The following PDE4D variants were observed in gnomAD, a reference collection of about 807,000 sequenced individuals.
The protein encoded by PDE4D is 3',5'-cyclic-AMP phosphodiesterase 4D.
In PDE4D, 24 loss-of-function variants were observed where a neutral mutation model predicts 87.4. The ratio of observed to expected loss-of-function variants is 0.27; its 90% CI spans 0.20 to 0.39. The LOEUF is 0.39. PDE4D is among the 10% of genes least tolerant of loss of function. PDE4D has a pLI of 1.00. For synonymous variants in PDE4D, 384 were observed against 383.2 expected (o/e 1.00, Z -0.02); for missense variants, 714 against 1,041.0 (o/e 0.69, Z 4.32).
intron 2 of PDE4D, among the ~76,000 whole-genome samples, chr5:60,112,578 T>C (rs1253761717): frequency 6.6e-6 from 1 of 152,058 alleles, no homozygotes. Context: ...ATATGCCTGA[T>C]CTCATTATTT....
intron 2 of PDE4D, among the ~76,000 whole-genome samples, chr5:60,035,452 G>A (rs1488617923): frequency 6.6e-6 from 1 of 152,018 alleles, no homozygotes; most frequent in Non-Finnish European, 1.5e-5. Flanking sequence ...TAAATAACTT[G>A]CCCATGTTCA....
At chr5:59,356,985 TGACAGA>T in intron 1 of PDE4D, 3 of 1,054,436 alleles carry the variant, frequency 2.8e-6, no homozygotes, top group Non-Finnish European at 3.7e-6. Flanking sequence ...TGGTATGCGC[TGACAGA>T]GAGATGGCAG....
At chr5:59,366,437 C>T (rs1159347551) in intron 1 of PDE4D, among the ~76,000 whole-genome samples, 1 of 151,992 alleles carries the variant, frequency 6.6e-6, no homozygotes, top group Admixed American at 6.6e-5. Flanking sequence ...CAAATCAATA[C>T]CCATTTAATT....
chr5:59,356,779 A>T, intron 1 of PDE4D: 1 of 1,568,936 alleles, frequency 6.4e-7, no homozygotes. Flanking sequence ...TGAGAAACGC[A>T]ATCTTGATTT....
intron 2 of PDE4D, among the ~76,000 whole-genome samples, chr5:60,163,781 G>A (rs996539983): frequency 6.6e-6 from 1 of 152,014 alleles, no homozygotes; most frequent in African/African-American, 2.4e-5. Context: ...CCCCTACCAC[G>A]CCAAGCCTTG....
At chr5:60,389,828 T>A (rs1394589240) in intron 1 of PDE4D, among the ~76,000 whole-genome samples, 1 of 151,948 alleles carries the variant, frequency 6.6e-6, no homozygotes, top group Non-Finnish European at 1.5e-5. Flanking sequence ...CTCTACCCCA[T>A]CCCATTGGTC....
intron 2 of PDE4D, among the ~76,000 whole-genome samples, chr5:60,119,682 C>T (rs1476345323): frequency 6.6e-6 from 1 of 152,156 alleles, no homozygotes; most frequent in African/African-American, 2.4e-5. Flanking sequence ...AGATATGAAA[C>T]ATATAGGACA....
chr5:59,476,161 C>T (rs1803264351), intron 1 of PDE4D, among the ~76,000 whole-genome samples: 1 of 151,820 alleles, frequency 6.6e-6, no homozygotes, highest in African/African-American at 2.4e-5. Context: ...TTTCTGGATA[C>T]AGTGAAATTG....
At chr5:59,675,958 C>T (rs551809168) in intron 1 of PDE4D, among the ~76,000 whole-genome samples, 1 of 152,112 alleles carries the variant, frequency 6.6e-6, no homozygotes, top group African/African-American at 2.4e-5. Context: ...GCCCAAAGTG[C>T]TGGGATTACA....
At chr5:60,047,533 C>T (rs1454663162) in intron 2 of PDE4D, among the ~76,000 whole-genome samples, 3 of 152,146 alleles carry the variant, frequency 2.0e-5, no homozygotes, top group Admixed American at 6.5e-5. Flanking sequence ...CTACACACTG[C>T]TTTGAATGCG....
At chr5:59,789,035 T>A (rs187442341) in intron 1 of PDE4D, among the ~76,000 whole-genome samples, 177 of 152,322 alleles carry the variant, frequency 1.2e-3, no homozygotes, top group African/African-American at 4.1e-3. Flanking sequence ...ATCACTTCAC[T>A]GTTACCTGAG....
intron 1 of PDE4D, among the ~76,000 whole-genome samples, chr5:59,255,703 A>G (rs1232293929): frequency 1.3e-5 from 2 of 152,108 alleles, no homozygotes; most frequent in African/African-American, 4.8e-5. Context: ...TGCAGATTAT[A>G]CTTCTTTTTG....
chr5:59,569,400 C>T (rs1821446982), intron 1 of PDE4D, among the ~76,000 whole-genome samples: 1 of 152,096 alleles, frequency 6.6e-6, no homozygotes, highest in Non-Finnish European at 1.5e-5. Flanking sequence ...ATTAAGAATA[C>T]CTTTGTCCTA....
rs547719203 is a variant in PDE4D at position 59,901,112 on chromosome 5, G to A, written c.272+87376C>T. Among the ~76,000 whole-genome samples the A allele has an allele frequency of 2.6e-5, 4 of 152,286 alleles. No individual in the cohort carries two copies. The South Asian group carries it at 8.3e-4, about 32-fold the overall frequency. On this transcript the variant is annotated intron_variant, in intron 3 of 16. Transcript: ENST00000502484. ...CAACTATTTTACATATGAGGAAACT[G>A]AAGCTTATGGGGACAATTACTTAAC...
chr5:59,401,478 A>ATCTCTCTGTCTGTCTGTCTG (rs74715038), intron 1 of PDE4D, among the ~76,000 whole-genome samples: 1 of 150,868 alleles, frequency 6.6e-6, no homozygotes, highest in Non-Finnish European at 1.5e-5. Flanking sequence ...CTATCTATCT[A>ATCTCTCTGTCTGTCTGTCTG]TCTATCTATT....
At chr5:59,545,184 A>G (rs913499049) in intron 1 of PDE4D, among the ~76,000 whole-genome samples, 1 of 152,148 alleles carries the variant, frequency 6.6e-6, no homozygotes, top group South Asian at 2.1e-4. Context: ...ACTTCTTTGA[A>G]GATGGGAACT....
At chr5:59,201,515 T>C (rs1747379596) in intron 2 of PDE4D, among the ~76,000 whole-genome samples, 1 of 152,140 alleles carries the variant, frequency 6.6e-6, no homozygotes. Flanking sequence ...AAAGGAGGCA[T>C]TAGATTTTTT....
At chr5:59,649,201 G>A (rs1742963890) in intron 1 of PDE4D, among the ~76,000 whole-genome samples, 1 of 152,178 alleles carries the variant, frequency 6.6e-6, no homozygotes, top group African/African-American at 2.4e-5. Context: ...AGGAAGTTGT[G>A]TACAAAACAC....
chr5:59,554,245 A>G (rs1818551002), intron 1 of PDE4D, among the ~76,000 whole-genome samples: 1 of 152,176 alleles, frequency 6.6e-6, no homozygotes, highest in South Asian at 2.1e-4. Context: ...AACTTTTTAT[A>G]GTTGTTTACA....
Sources: gnomAD v4.1 joint callset for allele counts (sites outside exome capture counted in the v4.1 genomes callset) on GRCh38, gnomAD v4.1.1 for gene constraint, MANE v1.5 for transcripts, NCBI Gene and HGNC (gene_info 2026-07-23, HGNC 2026-07-21) for gene names.